EFL1: variants seen among roughly 807,000 people sequenced by gnomAD.
The protein encoded by EFL1 is elongation factor like GTPase 1.
A neutral mutation model predicts 126.7 loss-of-function variants in EFL1; 76 were observed. The observed-to-expected ratio is 0.60, with a 90% confidence interval of 0.50 to 0.73. The LOEUF is 0.73. EFL1 is among the 30% of genes least tolerant of loss of function. The pLI, the probability that EFL1 is intolerant of heterozygous loss-of-function variation, is 0.00. For missense variants in EFL1, 1,128 were observed against 1,343.2 expected, an observed-to-expected ratio of 0.84 and a Z score of 2.50; for synonymous variants, 410 against 448.4, an observed-to-expected ratio of 0.91 and a Z score of 1.08.
intron 11 of EFL1, among the ~76,000 whole-genome samples, chr15:82,226,462 G>A (rs1203150124): frequency 6.6e-6 from 1 of 152,206 alleles, no homozygotes; most frequent in East Asian, 1.9e-4. Flanking sequence ...GGATGTTGGA[G>A]TGTGAGATAA....
intron 7 of EFL1, among the ~76,000 whole-genome samples, chr15:82,237,902 A>C (rs1225963739): frequency 4.6e-5 from 7 of 152,224 alleles, no homozygotes; most frequent in Non-Finnish European, 1.0e-4. Context: ...TAAGTGAAAA[A>C]AATCAATTTA....
At chr15:82,218,864 T>C (rs951627586) in intron 14 of EFL1, among the ~76,000 whole-genome samples, 9 of 152,116 alleles carry the variant, frequency 5.9e-5, no homozygotes, top group Non-Finnish European at 8.8e-5. Flanking sequence ...TTACTTCAAC[T>C]GCTACCTCCT....
At chr15:82,159,097 A>T (rs1269732758) in intron 16 of EFL1, among the ~76,000 whole-genome samples, 1 of 152,182 alleles carries the variant, frequency 6.6e-6, no homozygotes, top group Non-Finnish European at 1.5e-5. Flanking sequence ...GTGGGATTTC[A>T]CTGTGTCCAG....
chr15:82,252,311 C>T (rs1940581087), intron 4 of EFL1, among the ~76,000 whole-genome samples: 1 of 152,194 alleles, frequency 6.6e-6, no homozygotes, highest in Non-Finnish European at 1.5e-5. Context: ...CATTTGAGGA[C>T]AGCAAGCTGG....
chr15:82,238,189 C>T (rs1051362031), intron 7 of EFL1, 118 bp downstream of exon 7: 39 of 1,114,204 alleles, frequency 3.5e-5, no homozygotes, highest in Middle Eastern at 2.9e-4. Flanking sequence ...GAACTCTCTG[C>T]ATTATCTCTT....
At chr15:82,254,631 A>C (rs969676420) in intron 3 of EFL1, among the ~76,000 whole-genome samples, 1 of 152,200 alleles carries the variant, frequency 6.6e-6, no homozygotes, top group Non-Finnish European at 1.5e-5. Flanking sequence ...TAAGCCTTCT[A>C]TAAGAATCAT....
chr15:82,209,122 A>AT (rs1287167015), intron 15 of EFL1, among the ~76,000 whole-genome samples: 1 of 152,218 alleles, frequency 6.6e-6, no homozygotes, highest in Non-Finnish European at 1.5e-5. Flanking sequence ...GGAAATGCTG[A>AT]TAATAAAGTA....
intron 18 of EFL1, among the ~76,000 whole-genome samples, chr15:82,142,869 T>C (rs2073804103): frequency 6.6e-6 from 1 of 152,200 alleles, no homozygotes; most frequent in African/African-American, 2.4e-5. Flanking sequence ...CTTTTCATCA[T>C]TCAAGGCCCA....
intron 9 of EFL1, 79 bp from the exon 10 acceptor site, chr15:82,228,406 A>G: frequency 4.7e-6 from 7 of 1,493,296 alleles, no homozygotes; most frequent in Non-Finnish European, 6.3e-6. Flanking sequence ...ATTATTTGGC[A>G]TATTTTTACC....
At chr15:82,228,927 C>T (rs1180015499) in intron 9 of EFL1, 107 bp downstream of exon 9, 11 of 944,328 alleles carry the variant, frequency 1.2e-5, no homozygotes, top group African/African-American at 1.7e-5. Context: ...AAGCTCTGTT[C>T]ATTTTCTCAG....
chr15:82,205,996 T>G (rs1357329721), intron 15 of EFL1, among the ~76,000 whole-genome samples: 1 of 152,222 alleles, frequency 6.6e-6, no homozygotes, highest in African/African-American at 2.4e-5. Context: ...ACAAGGGGAC[T>G]CCCACCTTCC....
At chr15:82,141,045 G>A (rs916717939) in intron 18 of EFL1, among the ~76,000 whole-genome samples, 2 of 152,082 alleles carry the variant, frequency 1.3e-5, no homozygotes, top group Admixed American at 6.5e-5. Context: ...AAATTACCCT[G>A]TAAGCTACTC....
chr15:82,132,318 C>T (rs1198120484), intron 19 of EFL1, among the ~76,000 whole-genome samples: 4 of 152,102 alleles, frequency 2.6e-5, no homozygotes, highest in Non-Finnish European at 1.5e-5. Flanking sequence ...TCAGCAACAG[C>T]AGTTGCTGGG....
At chr15:82,133,092 G>T (rs762255972) in intron 19 of EFL1, among the ~76,000 whole-genome samples, 10 of 152,112 alleles carry the variant, frequency 6.6e-5, no homozygotes, top group Non-Finnish European at 1.5e-5. Context: ...GCATGAGGGA[G>T]CCTGTGGTGA....
At chr15:82,162,043 T>C (rs1283234917) in intron 16 of EFL1, among the ~76,000 whole-genome samples, 3 of 152,176 alleles carry the variant, frequency 2.0e-5, no homozygotes, top group Non-Finnish European at 2.9e-5. Context: ...TCTAAGAGGC[T>C]GAGGTGAGAG....
At chr15:82,151,337 G>C in intron 18 of EFL1, 128 bp downstream of exon 18, 1 of 879,524 alleles carries the variant, frequency 1.1e-6, no homozygotes, top group East Asian at 2.4e-5. Flanking sequence ...GCAGTGAGCC[G>C]AGATTGTGCC....
chr15:82,195,449 T>G (rs149049796), intron 15 of EFL1, among the ~76,000 whole-genome samples: 3 of 152,314 alleles, frequency 2.0e-5, no homozygotes, highest in Non-Finnish European at 4.4e-5. Context: ...TAAACTGATG[T>G]AGGCCCTTGG....
At position 82,152,132 on chromosome 15, in the gene EFL1, A is replaced by G; in HGVS notation, c.2322T>C (p.Arg774=). 6.2e-7 allele frequency: 1 copy of G among 1,614,144 alleles called. No homozygotes were observed. ...QILEENSDLI[R]SMEQLTSSLN... ...AAGAGGATGTCAACTGCTCCATAGA[A>G]CGAATCAAATCACTATTTTCTTCCA... is the stretch of plus-strand genomic sequence containing the variant. The change falls in exon 18 of 20, where the codon CGT becomes CGC. Residue 774 remains arginine (R), a synonymous_variant. Transcript: ENST00000268206.
In EFL1 at chr15:82,230,949, A is replaced by G. The variant is rs776424558; in HGVS notation, c.754T>C (p.Tyr252His). 3.1e-6 allele frequency: 5 copies of G among 1,613,040 alleles called. No homozygotes were observed. The South Asian group carries it at 5.5e-5, about 18-fold the overall frequency. The change falls in exon 8 of 20, where the codon TAC becomes CAC. Residue 252 changes from tyrosine to histidine, a missense_variant. By Grantham distance (83) the Tyr-to-His change is moderately conservative. Coordinates refer to ENST00000268206, the MANE Select transcript of EFL1 (RefSeq NM_024580.6). ...TTTTTGATGCCAATTTTTTGACTGT[A>G]GATTCTGGCGAAGTGCTCAATTCTG... ...GFGIEHFARI[Y>H]SQKIGIKKEV... is the part of the protein sequence containing the mutation.
Sources: gnomAD v4.1 joint callset for allele counts (sites outside exome capture counted in the v4.1 genomes callset) on GRCh38, gnomAD v4.1.1 for gene constraint, MANE v1.5 for transcripts, NCBI Gene and HGNC (gene_info 2026-07-23, HGNC 2026-07-21) for gene names.